Variants in SDCCAG8 observed in about 807,000 individuals in gnomAD.
The protein encoded by SDCCAG8 is serologically defined colon cancer antigen 8.
A neutral mutation model predicts 101.8 loss-of-function variants in SDCCAG8; 74 were observed. That is an observed-to-expected ratio of 0.73 (90% CI 0.60 to 0.88). The LOEUF (loss-of-function observed/expected upper bound fraction) is 0.88. Ranked by LOEUF, SDCCAG8 falls within the 40% of genes least tolerant of loss-of-function variation. The pLI, the probability that SDCCAG8 is intolerant of heterozygous loss-of-function variation, is 0.00. For synonymous variants in SDCCAG8, 281 were observed against 292.9 expected, an observed-to-expected ratio of 0.96 and a Z score of 0.41; for missense variants, 787 against 822.6, an observed-to-expected ratio of 0.96 and a Z score of 0.53.
chr1:243,474,433 G>T lies in SDCCAG8; in HGVS notation c.1986-14581G>T, dbSNP rs1661933030. Among the ~76,000 whole-genome samples the T allele has an allele frequency of 6.6e-6, 1 of 152,184 alleles. No homozygotes were observed. The highest frequency in any genetic ancestry group is 2.1e-4 in the South Asian group (1 of 4,834). On this transcript the variant is annotated intron_variant, in intron 16 of 17. Transcript: ENST00000366541. The surrounding 1 kb of genome is among the most constrained non-coding windows in gnomAD (Gnocchi z 4.7). ...CCAGGTGCGGGCTCCAGGCCCTCTC[G>T]CGCGGCTTCGGGACTCGGCCGAGCC...
chr1:243,443,443 G>T (rs1413772131), intron 16 of SDCCAG8, among the ~76,000 whole-genome samples: 1 of 152,144 alleles, frequency 6.6e-6, no homozygotes, highest in Non-Finnish European at 1.5e-5. Flanking sequence ...TGGGACTTGG[G>T]AAGGTTGCAT....
At chr1:243,466,425 C>T (rs1660158504) in intron 16 of SDCCAG8, among the ~76,000 whole-genome samples, 1 of 152,156 alleles carries the variant, frequency 6.6e-6, no homozygotes, top group African/African-American at 2.4e-5. Context: ...GTTAACAGTG[C>T]AGGTTCTGAA....
At chr1:243,349,206 C>G (rs1278739319) in intron 12 of SDCCAG8, among the ~76,000 whole-genome samples, 1 of 152,040 alleles carries the variant, frequency 6.6e-6, no homozygotes, top group African/African-American at 2.4e-5. Flanking sequence ...TGTATATATC[C>G]CCACTCACAT....
chr1:243,278,120 A>G (rs1286212459), intron 4 of SDCCAG8, among the ~76,000 whole-genome samples: 1 of 152,202 alleles, frequency 6.6e-6, no homozygotes, highest in Non-Finnish European at 1.5e-5. Flanking sequence ...CCTATCCATG[A>G]ACATGGAATA....
intron 12 of SDCCAG8, among the ~76,000 whole-genome samples, chr1:243,345,115 A>G (rs1206538491): frequency 6.6e-6 from 1 of 152,190 alleles, no homozygotes; most frequent in Non-Finnish European, 1.5e-5. Context: ...TAATTGTTTT[A>G]GAATTTAGAA....
intron 13 of SDCCAG8, among the ~76,000 whole-genome samples, chr1:243,389,157 C>G (rs367724703): frequency 4.2e-4 from 63 of 150,094 alleles, no homozygotes; most frequent in African/African-American, 1.2e-3. Context: ...CCCTCCCCCC[C>G]CCAAAAAAAA....
intron 16 of SDCCAG8, among the ~76,000 whole-genome samples, chr1:243,431,831 T>C (rs780267377): frequency 1.3e-5 from 2 of 152,152 alleles, no homozygotes; most frequent in African/African-American, 4.8e-5. Flanking sequence ...CTCCCAGTAA[T>C]CCCGGGGGTT....
chr1:243,356,425 G>GGT (rs1553324174), intron 12 of SDCCAG8, among the ~76,000 whole-genome samples: 1 of 150,258 alleles, frequency 6.7e-6, no homozygotes, highest in African/African-American at 2.5e-5. Flanking sequence ...AGTGGCGGGG[G>GGT]GGTGGTGGGG....
chr1:243,371,729 C>T (rs2147883719), intron 12 of SDCCAG8, among the ~76,000 whole-genome samples: 1 of 152,136 alleles, frequency 6.6e-6, no homozygotes, highest in Non-Finnish European at 1.5e-5. Flanking sequence ...GCTGGTTCCC[C>T]AAGTGTCTAG....
At chr1:243,267,234 C>A in intron 1 of SDCCAG8, 1 of 161,764 alleles carries the variant, frequency 6.2e-6, no homozygotes, top group South Asian at 1.3e-4. Flanking sequence ...CAGAGCGAGA[C>A]TCCGTCTTAA....
At chr1:243,471,665 C>T (rs1661300602) in intron 16 of SDCCAG8, among the ~76,000 whole-genome samples, 1 of 152,068 alleles carries the variant, frequency 6.6e-6, no homozygotes, top group African/African-American at 2.4e-5. Context: ...CCAGAAGCCT[C>T]AGGAGATGGA....
intron 4 of SDCCAG8, among the ~76,000 whole-genome samples, chr1:243,278,706 T>C (rs1299731999): frequency 1.3e-5 from 2 of 152,208 alleles, no homozygotes; most frequent in East Asian, 3.8e-4. Flanking sequence ...GACAAGCATA[T>C]TGTCTGCAAA....
At chr1:243,274,267 G>T (rs1407398306) in intron 3 of SDCCAG8, among the ~76,000 whole-genome samples, 1 of 152,174 alleles carries the variant, frequency 6.6e-6, no homozygotes, top group African/African-American at 2.4e-5. Flanking sequence ...CATGAGGATA[G>T]CACCAAGATT....
chr1:243,468,623 G>C (rs1364609847), intron 16 of SDCCAG8, among the ~76,000 whole-genome samples: 4 of 152,314 alleles, frequency 2.6e-5, no homozygotes, highest in South Asian at 4.1e-4. Flanking sequence ...GGAGTTTGAG[G>C]CTGCAGTGAG....
rs961121630 is a variant in SDCCAG8 at position 243,271,155 on chromosome 1, A to G, written c.306+92A>G. 6 of 838,176 alleles carry G rather than the reference A, an allele frequency of 7.2e-6. No individual in the cohort carries two copies. In the East Asian group the frequency reaches 1.3e-4, roughly 18 times the overall value. The allele number at this position is 838,176 out of a possible 1,614,324, so 51.9% of individuals were successfully genotyped here. On this transcript the variant is annotated intron_variant, in intron 3 of 17. Transcript: ENST00000366541. ...TACATGTTGCAGAAAAAATTTAAGC[A>G]TGGCATACTAATAGTGAAAAACATT...
At chr1:243,327,150 G>C (rs1255811520) in intron 9 of SDCCAG8, among the ~76,000 whole-genome samples, 1 of 151,992 alleles carries the variant, frequency 6.6e-6, no homozygotes, top group East Asian at 1.9e-4. Flanking sequence ...GAGAAGCCAG[G>C]ACTTGGGAAC....
rs1239453433 is a variant in SDCCAG8 at position 243,474,220 on chromosome 1, C to G, written c.1986-14794C>G. Among the ~76,000 whole-genome samples the G allele has an allele frequency of 1.3e-5, 2 of 152,208 alleles. No homozygotes were observed. Among genetic ancestry groups the G allele is most frequent in the Non-Finnish European group, 2.9e-5 (2 of 68,044 alleles). On this transcript the variant is annotated intron_variant, in intron 16 of 17. Transcript: ENST00000366541. This position sits in a 1 kb window ranked among gnomAD's most constrained non-coding sequence, Gnocchi z 4.7. ...GGAAATCAACCTTTTTACTCATTGC[C>G]TCTCAGGGGAAAGAACTTGGGACGT...
intron 6 of SDCCAG8, among the ~76,000 whole-genome samples, chr1:243,294,501 A>AAGAGGGAGAGAGAGAG (rs2070627731): frequency 1.1e-3 from 29 of 26,698 alleles, no homozygotes; most frequent in African/African-American, 3.2e-3. Flanking sequence ...GAGAGAGAGA[A>AAGAGGGAGAGAGAGAG]AGAGCGAGAG....
chr1:243,381,678 C>T (rs114893679), intron 13 of SDCCAG8, among the ~76,000 whole-genome samples: 2,755 of 152,214 alleles, frequency 0.018, 82 homozygotes, highest in African/African-American at 0.063. Context: ...CAAATATTTA[C>T]TGAGCACCTA....
Sources: gnomAD v4.1 joint callset for allele counts (sites outside exome capture counted in the v4.1 genomes callset) on GRCh38, gnomAD v4.1.1 for gene constraint, Gnocchi (gnomAD v3.1) non-coding constraint, MANE v1.5 for transcripts, NCBI Gene and HGNC (gene_info 2026-07-23, HGNC 2026-07-21) for gene names.